The following C15orf61 variants were observed in gnomAD, a reference collection of about 807,000 sequenced individuals.
The protein encoded by C15orf61 is uncharacterized protein C15orf61.
A neutral mutation model predicts 13.7 loss-of-function variants in C15orf61; 12 were observed. The observed-to-expected ratio is 0.88, with a 90% CI of 0.56 to 1.42. The LOEUF is 1.42. C15orf61 is among the 40% of genes most tolerant of loss of function. The pLI is 0.00. For synonymous variants in C15orf61, 92 were observed against 94.1 expected (o/e 0.98, Z 0.13); for missense variants, 248 against 213.2 (o/e 1.16, Z -1.02).
rs1353513290 is a variant in C15orf61, at chr15:67,521,314, G to C, written c.66G>C (p.Ser22=). The C allele has an allele frequency of 2.0e-6, 3 of 1,525,392 alleles. No individual in the cohort carries two copies. Among genetic ancestry groups the C allele is most frequent in the East Asian group, 4.9e-5 (2 of 40,506 alleles). The allele number at this position is 1,525,392 out of a possible 1,614,324, so 94.5% of individuals were successfully genotyped here. Residue 22 remains serine, a synonymous_variant, in exon 1 of 2, where the codon TCG becomes TCC. Coordinates refer to ENST00000342683, the MANE Select transcript of C15orf61 (RefSeq NM_001143936.2). ...LRLLLCRPWA[S]RAAARPKPSA... ...TGCTGCTGTGTAGGCCGTGGGCCTCGCGCGCCGCCGCCCGCCCCAAGCCCA... is the reference window on the plus strand; with the variant it reads ...TGCTGCTGTGTAGGCCGTGGGCCTCCCGCGCCGCCGCCCGCCCCAAGCCCA...
intron 1 of C15orf61, 182 bp downstream of exon 1, chr15:67,521,776 G>A: frequency 1.4e-6 from 1 of 692,012 alleles, no homozygotes; most frequent in Non-Finnish European, 2.4e-6. Flanking sequence ...CCAGCTTGCT[G>A]AGCTCCTGGC....
intron 1 of C15orf61, among the ~76,000 whole-genome samples, chr15:67,524,833 G>GTTT (rs1307736179): frequency 1.8e-5 from 2 of 112,648 alleles, no homozygotes; most frequent in African/African-American, 3.4e-5. Flanking sequence ...TTGCTTTTTT[G>GTTT]TTTGTTTTTT....
At chr15:67,521,762 G>C in intron 1 of C15orf61, 168 bp downstream of exon 1, 1 of 746,022 alleles carries the variant, frequency 1.3e-6, no homozygotes, top group Middle Eastern at 3.7e-4. Context: ...CGCCCAGGGG[G>C]TCCCCAGCTT....
At position 67,521,280 on chromosome 15, in the gene C15orf61, C is replaced by G. The variant is rs1402059834; in HGVS notation, c.32C>G (p.Ala11Gly). 1 of 1,453,020 alleles carries G rather than the reference C, an allele frequency of 6.9e-7. No homozygotes were observed. The highest frequency in any genetic ancestry group is 1.5e-5 in the African/African-American group (1 of 68,282). 90.0% of individuals were successfully genotyped at this position (1,453,020 alleles called of 1,614,324 possible). A position where few individuals can be genotyped will look rare whatever the true frequency, so the allele number is the denominator to read the frequency against. Residue 11 changes from alanine (A) to glycine (G), a missense_variant, in exon 1 of 2, where the codon GCG (alanine) becomes GGG (glycine). Physicochemically the swap from Ala to Gly is moderately conservative, Grantham distance 60. Coordinates refer to ENST00000342683, the MANE Select transcript of C15orf61 (RefSeq NM_001143936.2). ...GCCCTGAGGAGGGCCCACGAGGTCG[C>G]GCTCCGCCTGCTGCTGTGTAGGCCG... MEALRRAHEV[A>G]LRLLLCRPWA...
chr15:67,521,419 C>G lies in C15orf61; in HGVS notation c.171C>G (p.Ala57=), dbSNP rs938133972. The stretch of plus-strand genomic sequence containing the variant: ...CCTCCTTCTGCGTGCCCTACAGCGC[C>G]GTCCGCAACGACCAGTTCGGCCTCT... ...HWTSFCVPYS[A]VRNDQFGLSH... is the part of the protein sequence containing the mutation. The change falls in exon 1 of 2, where the codon GCC becomes GCG. Residue 57 remains alanine (A), a synonymous_variant. Transcript: ENST00000342683. 4 of 1,545,170 alleles carry G rather than the reference C, an allele frequency of 2.6e-6. No individual in the cohort carries two copies. Among genetic ancestry groups the G allele is most frequent in the African/African-American group, 2.7e-5 (2 of 73,046 alleles).
intron 1 of C15orf61, among the ~76,000 whole-genome samples, chr15:67,524,833 G>GTTTTTTTT (rs1307736179): frequency 8.9e-6 from 1 of 112,646 alleles, no homozygotes; most frequent in African/African-American, 3.4e-5. Context: ...TTGCTTTTTT[G>GTTTTTTTT]TTTGTTTTTT....
At position 67,525,438 on chromosome 15, in the gene C15orf61, T is replaced by C. The variant is rs1307284126; in HGVS notation, c.347-980T>C. Among the ~76,000 whole-genome samples, 1 of 152,252 alleles carries C rather than the reference T, an allele frequency of 6.6e-6. No individual in the cohort carries two copies. The highest frequency in any genetic ancestry group is 2.4e-5 in the African/African-American group (1 of 41,470). ...TCTGGATAGTGTGTTTAGTTTCATG[T>C]ATCACAAATGGCAACTAATCTCAAA... On this transcript the variant is annotated intron_variant, in intron 1 of 1. Coordinates refer to ENST00000342683, the MANE Select transcript of C15orf61 (RefSeq NM_001143936.2). This position sits in a 1 kb window ranked among gnomAD's most constrained non-coding sequence, Gnocchi z 4.9.
intron 1 of C15orf61, among the ~76,000 whole-genome samples, chr15:67,522,981 C>CCA (rs1376498095): frequency 6.6e-6 from 1 of 152,088 alleles, no homozygotes; most frequent in African/African-American, 2.4e-5. Flanking sequence ...TCAGAACATT[C>CCA]CACACATAGA....
At chr15:67,522,634 A>G (rs1366503786) in intron 1 of C15orf61, among the ~76,000 whole-genome samples, 1 of 152,212 alleles carries the variant, frequency 6.6e-6, no homozygotes, top group Admixed American at 6.5e-5. Context: ...GATGGACTGT[A>G]TAGAGCATGC....
chr15:67,529,115 CTG>C lies in C15orf61; in HGVS notation c.*2572_*2573del, dbSNP rs1461631798. ...ATTTTTATCTTTAATCCAACCAAAA[CTG>C]TTTTAATAAAGGTGTACTTTTAGTA... On this transcript the variant is annotated 3_prime_UTR_variant, in exon 2 of 2. Transcript: ENST00000342683. The surrounding 1 kb of genome is among the most constrained non-coding windows in gnomAD (Gnocchi z 4.4). 2.0e-5 allele frequency: 3 copies of C among 152,288 alleles called. No homozygotes were observed. In the South Asian group the frequency reaches 6.2e-4, roughly 32 times the overall value. The allele number at this position is 152,288 out of a possible 1,614,324, so 9.4% of individuals were successfully genotyped here. A position where few individuals can be genotyped will look rare whatever the true frequency, so the allele number is the denominator to read the frequency against.
chr15:67,524,370 C>G (rs1472516886), intron 1 of C15orf61, among the ~76,000 whole-genome samples: 1 of 150,966 alleles, frequency 6.6e-6, no homozygotes, highest in African/African-American at 2.5e-5. Flanking sequence ...TTTCTACCTC[C>G]CACCCCTGAG....
At chr15:67,523,552 A>G (rs1456181900) in intron 1 of C15orf61, among the ~76,000 whole-genome samples, 1 of 152,186 alleles carries the variant, frequency 6.6e-6, no homozygotes, top group Non-Finnish European at 1.5e-5. Flanking sequence ...TAAGAAAAGC[A>G]ACTTACCATT....
rs999680845 is a variant in C15orf61, at chr15:67,529,246, T to C, written c.*2701T>C. ...CTAGGCAAAATTCTTAGTTCCTGTGTAAGTTGTGAGCCACTATAAAGATGC... is the reference window on the plus strand; with the variant it reads ...CTAGGCAAAATTCTTAGTTCCTGTGCAAGTTGTGAGCCACTATAAAGATGC... On this transcript the variant is annotated 3_prime_UTR_variant, in exon 2 of 2. Transcript: ENST00000342683. The surrounding 1 kb of genome is among the most constrained non-coding windows in gnomAD (Gnocchi z 4.4). 4.6e-5 allele frequency: 7 copies of C among 152,182 alleles called. No individual in the cohort carries two copies. Among genetic ancestry groups the C allele is most frequent in the African/African-American group, 1.7e-4 (7 of 41,448 alleles). 9.4% of individuals were successfully genotyped at this position (152,182 alleles called of 1,614,324 possible). A position where few individuals can be genotyped will look rare whatever the true frequency, so the allele number is the denominator to read the frequency against.
At chr15:67,522,117 C>G in intron 1 of C15orf61, 1 of 701,764 alleles carries the variant, frequency 1.4e-6, no homozygotes, top group South Asian at 1.5e-5. Context: ...TAACAGCTTC[C>G]TGAGGTGCTA....
chr15:67,523,526 GAAGTAGATTGAGATTTAAGAAAAGC>G (rs915036891), intron 1 of C15orf61, among the ~76,000 whole-genome samples: 1 of 152,132 alleles, frequency 6.6e-6, no homozygotes, highest in Admixed American at 6.5e-5. Flanking sequence ...ATCCTGCTGA[GAAGTAGATTGAGATTTAAGAAAAGC>G]AACTTACCAT....
rs2140925938 is a variant in C15orf61 at position 67,521,286 on chromosome 15, G to A, written c.38G>A (p.Arg13His). The A allele has an allele frequency of 2.0e-6, 3 of 1,467,630 alleles. No individual in the cohort carries two copies. Among genetic ancestry groups the A allele is most frequent in the African/African-American group, 2.9e-5 (2 of 68,910 alleles). 90.9% of individuals were successfully genotyped at this position (1,467,630 alleles called of 1,614,324 possible). A position where few individuals can be genotyped will look rare whatever the true frequency, so the allele number is the denominator to read the frequency against. ...AGGAGGGCCCACGAGGTCGCGCTCCGCCTGCTGCTGTGTAGGCCGTGGGCC... is the reference window on the plus strand; with the variant it reads ...AGGAGGGCCCACGAGGTCGCGCTCCACCTGCTGCTGTGTAGGCCGTGGGCC... ...ALRRAHEVAL[R>H]LLLCRPWASR... Residue 13 changes from arginine (R) to histidine (H), a missense_variant, in exon 1 of 2, where the codon CGC (arginine) becomes CAC (histidine). Coordinates refer to ENST00000342683, the MANE Select transcript of C15orf61 (RefSeq NM_001143936.2).
chr15:67,526,519 A>T lies in C15orf61; in HGVS notation c.448A>T (p.Lys150Ter). ...YGPITVYFLN[K>*]EDEGAMY ...ACCCATAACAGTTTATTTTCTCAAT[A>T]AAGAAGATGAAGGTGCCATGTATTG... Residue 150 changes from lysine to a stop codon, truncating the protein, a stop_gained, in exon 2 of 2, where the codon AAA becomes TAA. Coordinates refer to ENST00000342683, the MANE Select transcript of C15orf61 (RefSeq NM_001143936.2). LOFTEE classifies it high-confidence loss of function. The T allele has an allele frequency of 6.5e-7, 1 of 1,537,694 alleles. No individual in the cohort carries two copies. Among genetic ancestry groups the T allele is most frequent in the South Asian group, 1.2e-5 (1 of 80,542 alleles).
chr15:67,528,833 T>C lies in C15orf61; in HGVS notation c.*2288T>C, dbSNP rs2140929465. 6.6e-6 allele frequency: 1 copy of C among 152,328 alleles called. No individual in the cohort carries two copies. Among genetic ancestry groups the C allele is most frequent in the Admixed American group, 6.5e-5 (1 of 15,304 alleles). 9.4% of individuals were successfully genotyped at this position (152,328 alleles called of 1,614,324 possible). On this transcript the variant is annotated 3_prime_UTR_variant, in exon 2 of 2. Transcript: ENST00000342683. ...ATTTCTACCCGAAAATGTACATCAA[T>C]TTTACTTTTGTCTCTGCAAAAGCTC...
intron 1 of C15orf61, 28 bp downstream of exon 1, chr15:67,521,622 G>T: frequency 6.8e-7 from 1 of 1,471,794 alleles, no homozygotes; most frequent in Non-Finnish European, 9.2e-7. Context: ...CGCCCACGCG[G>T]TGAAGCCCGC....
Sources: allele counts gnomAD v4.1 joint callset (sites outside exome capture counted in the v4.1 genomes callset), GRCh38; gene constraint gnomAD v4.1.1; non-coding constraint Gnocchi (gnomAD v3.1); transcripts MANE v1.5; gene names NCBI Gene and HGNC (gene_info 2026-07-23, HGNC 2026-07-21).